Variants in VWA5B1 observed in about 807,000 individuals in gnomAD.
VWA5B1 encodes the protein von Willebrand factor A domain-containing protein 5B1.
In VWA5B1, 115 loss-of-function variants were observed where a neutral mutation model predicts 118.2. The ratio of observed to expected loss-of-function variants is 0.97; its 90% confidence interval spans 0.84 to 1.14. The LOEUF (loss-of-function observed/expected upper bound fraction) is 1.14. Among genes scored for constraint, VWA5B1 ranks in the 50% most tolerant of loss-of-function variants. The pLI, the probability that VWA5B1 is intolerant of heterozygous loss-of-function variation, is 0.00. For missense variants in VWA5B1, 1,596 were observed against 1,603.8 expected (o/e 1.00, Z 0.08); for synonymous variants, 682 against 658.4 (o/e 1.04, Z -0.55).
rs1297468299 is a variant in VWA5B1, at chr1:20,337,529, A to G, written c.1943-117A>G. On this transcript the variant is annotated intron_variant, in intron 13 of 21. Transcript: ENST00000289815. ...GATGCCAGGGGAGGCATCTGCATAT[A>G]TTTCAGTAGGCAAGAGGTGGAGAAC... 1.4e-5 allele frequency: 17 copies of G among 1,211,514 alleles called. 1 individual carries two copies. In the South Asian group the frequency reaches 2.6e-4, roughly 18 times the overall value. 75.0% of individuals were successfully genotyped at this position (1,211,514 alleles called of 1,614,324 possible).
chr1:20,336,179 C>T, intron 12 of VWA5B1, 124 bp from the exon 13 acceptor site: 1 of 809,384 alleles, frequency 1.2e-6, no homozygotes, highest in Non-Finnish European at 1.7e-6. Context: ...ACAAAGCTTT[C>T]CTGTTGAGCT....
chr1:20,299,432 C>G (rs946490103), intron 1 of VWA5B1, among the ~76,000 whole-genome samples: 20 of 152,280 alleles, frequency 1.3e-4, no homozygotes, highest in South Asian at 8.3e-4. Context: ...GAGACAGAGT[C>G]TCACTCTGTT....
intron 5 of VWA5B1, 151 bp from the exon 6 acceptor site, chr1:20,318,439 C>A: frequency 9.2e-7 from 1 of 1,089,018 alleles, no homozygotes; most frequent in African/African-American, 1.6e-5. Context: ...GAAATTGAGG[C>A]AGCCTGGCCA....
Position 20,359,378 on chromosome 1 carries a change from T to C in VWA5B1, c.*5115T>C, listed in dbSNP as rs1199867664. Among the ~76,000 whole-genome samples, 1 of 152,190 alleles carries C rather than the reference T, an allele frequency of 6.6e-6. No individual in the cohort carries two copies. The highest frequency in any genetic ancestry group is 2.4e-5 in the African/African-American group (1 of 41,444). ...ACATAGATGTCATGGAAGCCCTGGA[T>C]GTCAGCCGTCTAATGTCCACTAATA... On this transcript the variant is annotated 3_prime_UTR_variant, in exon 22 of 22. Coordinates refer to ENST00000289815, the MANE Select transcript of VWA5B1 (RefSeq NM_001039500.3).
chr1:20,304,550 G>A (rs1428158255), intron 1 of VWA5B1, among the ~76,000 whole-genome samples: 1 of 150,782 alleles, frequency 6.6e-6, no homozygotes, highest in Non-Finnish European at 1.5e-5. Flanking sequence ...AGGAAAAATG[G>A]AGGTGTGTGT....
rs796413185 is a variant in VWA5B1 at position 20,359,111 on chromosome 1, G to T, written c.*4848G>T. 1.3e-5 allele frequency among the ~76,000 whole-genome samples: 2 copies of T among 152,192 alleles called. No individual in the cohort carries two copies. The highest frequency in any genetic ancestry group is 2.9e-5 in the Non-Finnish European group (2 of 68,050). On this transcript the variant is annotated 3_prime_UTR_variant, in exon 22 of 22. Coordinates refer to ENST00000289815, the MANE Select transcript of VWA5B1 (RefSeq NM_001039500.3). ...CCAGCCGTTTTGAGCTTACAGCCAC[G>T]TCCCAACGCAATGCGCCTCATCTCA...
At position 20,319,441 on chromosome 1, in the gene VWA5B1, C is replaced by G; in HGVS notation, c.901C>G (p.Gln301Glu). 1 of 1,551,766 alleles carries G rather than the reference C, an allele frequency of 6.4e-7. No individual in the cohort carries two copies. Among genetic ancestry groups the G allele is most frequent in the Non-Finnish European group, 8.7e-7 (1 of 1,147,008 alleles). The part of the protein sequence containing the change: ...KGDMTLGEFD[Q>E]HLKGRTDFIK... ...GGACATGACCCTGGGAGAGTTTGACCAGCACTTGAAGGGAAGAACAGATTT... is the reference window on the plus strand; with the variant it reads ...GGACATGACCCTGGGAGAGTTTGACGAGCACTTGAAGGGAAGAACAGATTT... Residue 301 changes from glutamine (Q) to glutamate (E), a missense_variant, in exon 7 of 22, where the codon CAG becomes GAG. Transcript: ENST00000289815.
chr1:20,351,285 G>A (rs1332151542), intron 20 of VWA5B1, among the ~76,000 whole-genome samples: 3 of 152,174 alleles, frequency 2.0e-5, no homozygotes, highest in Admixed American at 1.3e-4. Context: ...TTGGGAGGCC[G>A]AGGCAGGAGG....
rs1380089550 is a variant in VWA5B1 at position 20,357,181 on chromosome 1, G to A, written c.*2918G>A. Among the ~76,000 whole-genome samples the A allele has an allele frequency of 6.6e-6, 1 of 152,202 alleles. No homozygotes were observed. Among genetic ancestry groups the A allele is most frequent in the Non-Finnish European group, 1.5e-5 (1 of 68,040 alleles). ...TTCAGTGGGAAAAACACTGAGCTGA[G>A]AGTTGAGGAACCCAAGCATGGGTCC... On this transcript the variant is annotated 3_prime_UTR_variant, in exon 22 of 22. Transcript: ENST00000289815.
At chr1:20,329,505 C>T (rs1012009961) in intron 9 of VWA5B1, among the ~76,000 whole-genome samples, 1 of 151,988 alleles carries the variant, frequency 6.6e-6, no homozygotes, top group African/African-American at 2.4e-5. Flanking sequence ...GACAAGGTTT[C>T]ACCATTTTGG....
intron 2 of VWA5B1, 123 bp from the exon 3 acceptor site, chr1:20,312,713 G>A (rs554276625): frequency 1.1e-5 from 14 of 1,317,052 alleles, no homozygotes; most frequent in East Asian, 2.8e-5. Flanking sequence ...GAGGCCTCTC[G>A]GCATCCAATA....
At position 20,295,342 on chromosome 1, in the gene VWA5B1, G is replaced by C. The variant is rs566557812; in HGVS notation, c.-27+4254G>C. Among the ~76,000 whole-genome samples, 33 of 152,280 alleles carry C rather than the reference G, an allele frequency of 2.2e-4. No individual in the cohort carries two copies. In the South Asian group the frequency reaches 6.6e-3, roughly 31 times the overall value. On this transcript the variant is annotated intron_variant, in intron 1 of 21. Transcript: ENST00000289815. ...ATTGTGGGGCGGAGCTGAATTTGAC[G>C]TGAGCAAGTCAGGCTTAGTTAAGAC... is the stretch of plus-strand genomic sequence containing the variant.
intron 2 of VWA5B1, 142 bp downstream of exon 2, chr1:20,310,882 T>A: frequency 1.6e-6 from 2 of 1,222,838 alleles, no homozygotes; most frequent in Non-Finnish European, 2.2e-6. Context: ...ATGGTGAGAT[T>A]CTTTCTGCTT....
At position 20,310,242 on chromosome 1, in the gene VWA5B1, G is replaced by A. The variant is rs115030894; in HGVS notation, c.-26-334G>A. Among the ~76,000 whole-genome samples, 453 of 152,242 alleles carry A rather than the reference G, an allele frequency of 3.0e-3. 2 individuals carry two copies. The highest frequency in any genetic ancestry group is 0.01 in the African/African-American group (425 of 41,538). On this transcript the variant is annotated intron_variant, in intron 1 of 21. Coordinates refer to ENST00000289815, the MANE Select transcript of VWA5B1 (RefSeq NM_001039500.3). The stretch of plus-strand genomic sequence containing the variant: ...TGAGCCCCTCGACTCCCCTCCCCGC[G>A]TGGTCTGTTGGGGAGAATTCCAGGC...
chr1:20,312,889 G>A lies in VWA5B1; in HGVS notation c.193G>A (p.Val65Ile), dbSNP rs1274962266. The A allele has an allele frequency of 6.4e-7, 1 of 1,551,598 alleles. No individual in the cohort carries two copies. The highest frequency in any genetic ancestry group is 8.7e-7 in the Non-Finnish European group (1 of 1,146,998). Residue 65 changes from valine (V) to isoleucine (I), a missense_variant, in exon 3 of 22, where the codon GTC (valine) becomes ATC (isoleucine). Coordinates refer to ENST00000289815, the MANE Select transcript of VWA5B1 (RefSeq NM_001039500.3). ...ECTTVIGFEA[V>I]IADRVVTVQI... is the part of the protein sequence containing the mutation. ...CACCACGGTGATCGGCTTTGAGGCA[G>A]TCATTGCCGACCGTGTCGTGACAGT...
rs1268900082 is a variant in VWA5B1 at position 20,357,544 on chromosome 1, C to T, written c.*3281C>T. The stretch of plus-strand genomic sequence containing the variant: ...GTCTAGATCTCTCTTAGGGCTCCTG[C>T]GGCACTGGCGTTCAGAAAGCCTTTA... On this transcript the variant is annotated 3_prime_UTR_variant, in exon 22 of 22. Transcript: ENST00000289815. 3.9e-5 allele frequency among the ~76,000 whole-genome samples: 6 copies of T among 152,226 alleles called. No individual in the cohort carries two copies. Among genetic ancestry groups the T allele is most frequent in the East Asian group, 1.9e-4 (1 of 5,194 alleles).
intron 11 of VWA5B1, among the ~76,000 whole-genome samples, chr1:20,331,296 C>T (rs2089546835): frequency 1.3e-5 from 2 of 152,206 alleles, no homozygotes; most frequent in African/African-American, 4.8e-5. Context: ...CATATCTGGA[C>T]ATGTTCCTGA....
chr1:20,335,785 G>A (rs1400628664), intron 12 of VWA5B1, among the ~76,000 whole-genome samples: 1 of 152,212 alleles, frequency 6.6e-6, no homozygotes, highest in Non-Finnish European at 1.5e-5. Flanking sequence ...ACATTGAGTG[G>A]CGAAGGTGGA....
At chr1:20,312,788 GC>G in intron 2 of VWA5B1, 47 bp from the exon 3 acceptor site, 1 of 1,509,584 alleles carries the variant, frequency 6.6e-7, no homozygotes, top group Non-Finnish European at 8.9e-7. Flanking sequence ...CAAGGGGTGT[GC>G]AGGGTAGGCC....
Sources: allele counts gnomAD v4.1 joint callset (sites outside exome capture counted in the v4.1 genomes callset), GRCh38; gene constraint gnomAD v4.1.1; transcripts MANE v1.5; gene names NCBI Gene and HGNC (gene_info 2026-07-23, HGNC 2026-07-21).